The following ZNF18 variants were observed in gnomAD, a reference collection of about 807,000 sequenced individuals.
The protein encoded by ZNF18 is zinc finger protein 18.
Under a neutral mutation model 58.1 loss-of-function variants are expected in ZNF18, and 42 were observed. The ratio of observed to expected loss-of-function variants is 0.72; its 90% CI spans 0.56 to 0.93. The LOEUF (loss-of-function observed/expected upper bound fraction) is 0.93. Among genes scored for constraint, ZNF18 ranks in the 40% least tolerant of loss-of-function variants. The pLI is 0.00. For missense variants in ZNF18, 540 were observed against 644.2 expected (o/e 0.84, Z 1.75); for synonymous variants, 231 against 239.8 (o/e 0.96, Z 0.34).
intron 1 of ZNF18, among the ~76,000 whole-genome samples, chr17:11,996,611 A>G (rs1054180597): frequency 1.3e-5 from 2 of 151,134 alleles, no homozygotes; most frequent in Non-Finnish European, 3.0e-5. Flanking sequence ...ATTAGTTATG[A>G]AAAAAAAATA....
chr17:11,994,551 TAAGG>T (rs958276990), intron 1 of ZNF18, among the ~76,000 whole-genome samples: 2 of 152,274 alleles, frequency 1.3e-5, no homozygotes, highest in East Asian at 1.9e-4. Context: ...AAGAAAATTA[TAAGG>T]AAGAGGCCAG....
chr17:11,984,791 G>A (rs990525378), intron 4 of ZNF18, among the ~76,000 whole-genome samples: 5 of 152,130 alleles, frequency 3.3e-5, no homozygotes, highest in African/African-American at 4.8e-5. Flanking sequence ...ACAGGTGTGA[G>A]CCACCTTGCC....
At chr17:12,001,964 C>T (rs1249415223), upstream of ZNF18, among the ~76,000 whole-genome samples, 6 of 150,388 alleles carry the variant, frequency 4.0e-5, no homozygotes, top group South Asian at 1.0e-3. Context: ...CTGAGTTGTT[C>T]GAAGAGGTTT....
chr17:11,996,544 T>C (rs902829935), intron 1 of ZNF18, among the ~76,000 whole-genome samples: 2 of 152,166 alleles, frequency 1.3e-5, no homozygotes, highest in African/African-American at 4.8e-5. Flanking sequence ...TTACTTTATA[T>C]AGTATTAAAA....
At chr17:11,991,248 A>G in intron 2 of ZNF18, 85 bp from the exon 3 acceptor site, 1 of 1,160,732 alleles carries the variant, frequency 8.6e-7, no homozygotes, top group Non-Finnish European at 1.2e-6. Flanking sequence ...TCTACAACAG[A>G]TCATAAGACA....
At chr17:12,016,035 T>A in the ZNF18 span, among the ~76,000 whole-genome samples, 1 of 152,322 alleles carries the variant, frequency 6.6e-6, no homozygotes, top group Admixed American at 6.5e-5. Flanking sequence ...AAGTAATCTG[T>A]CTGCCTTGGC....
chr17:12,010,434 C>G, the ZNF18 span, among the ~76,000 whole-genome samples: 43 of 146,928 alleles, frequency 2.9e-4, no homozygotes, highest in African/African-American at 1.0e-3. Context: ...TTTTTTTTTT[C>G]CAGATGGAGT....
chr17:12,011,831 G>T, the ZNF18 span, among the ~76,000 whole-genome samples: 16 of 150,236 alleles, frequency 1.1e-4, no homozygotes, highest in African/African-American at 3.2e-4. Context: ...CTCCTGAGTA[G>T]CTGGGATTAC....
chr17:11,982,397 G>T (rs1009861949), intron 6 of ZNF18, among the ~76,000 whole-genome samples: 3 of 151,920 alleles, frequency 2.0e-5, no homozygotes, highest in African/African-American at 4.8e-5. Context: ...TCTATCAAAT[G>T]ATTTCACGAC....
In ZNF18 at chr17:11,992,429, T is replaced by C; in HGVS notation, c.387+14A>G. On this transcript the variant is annotated intron_variant, in intron 2 of 6. Transcript: ENST00000580306. Reference sequence around the variant, plus strand: ...CCTGTGTTTCACTCGCAGATCATAATACCCTCTGCTTACCCATTGCCACAG... The same window carrying C: ...CCTGTGTTTCACTCGCAGATCATAACACCCTCTGCTTACCCATTGCCACAG... The C allele has an allele frequency of 6.2e-7, 1 of 1,610,458 alleles. No homozygotes were observed. Among genetic ancestry groups the C allele is most frequent in the Non-Finnish European group, 8.5e-7 (1 of 1,177,732 alleles).
chr17:12,007,789 T>G, the ZNF18 span, among the ~76,000 whole-genome samples: 2 of 152,190 alleles, frequency 1.3e-5, no homozygotes, highest in Admixed American at 6.5e-5. Flanking sequence ...TGGTGGCTCC[T>G]GAAGGTCTCA....
chr17:12,002,527 G>C, the ZNF18 span: 1 of 152,152 alleles, frequency 6.6e-6, no homozygotes, highest in Non-Finnish European at 1.5e-5. Context: ...AGAAAATCGA[G>C]ATCCAGAGTG....
At chr17:12,019,916 C>G in the ZNF18 span, among the ~76,000 whole-genome samples, 1 of 152,182 alleles carries the variant, frequency 6.6e-6, no homozygotes, top group Non-Finnish European at 1.5e-5. Context: ...GGCAAGGCTG[C>G]CTGGCCAGAA....
At position 11,991,163 on chromosome 17, in the gene ZNF18, T is replaced by C; in HGVS notation, c.388A>G (p.Ile130Val). 6.2e-7 allele frequency: 1 copy of C among 1,612,316 alleles called. No homozygotes were observed. The highest frequency in any genetic ancestry group is 8.5e-7 in the Non-Finnish European group (1 of 1,178,956). ...TCCTGTCCTAGAACCTGGATACTGA[T>C]CTAGAGACCATATATTAATTAGTAA... Reference protein sequence around the residue: ...KGDPQRLWQWISIQVLGQDIL... With the variant: ...KGDPQRLWQWVSIQVLGQDIL... Residue 130 changes from isoleucine (I) to valine (V), a missense_variant and splice_region_variant, in exon 3 of 7, where the codon ATC becomes GTC. Physicochemically the swap from Ile to Val is conservative, Grantham distance 29. Transcript: ENST00000580306.
At chr17:12,013,744 A>G in the ZNF18 span, among the ~76,000 whole-genome samples, 1 of 152,216 alleles carries the variant, frequency 6.6e-6, no homozygotes, top group Non-Finnish European at 1.5e-5. Flanking sequence ...TCTTTTCAAC[A>G]TTCTAAAAAC....
chr17:11,978,362 C>A lies in ZNF18; in HGVS notation c.1245G>T (p.Lys415Asn), dbSNP rs1344084565. 2 of 1,568,404 alleles carry A rather than the reference C, an allele frequency of 1.3e-6. No individual in the cohort carries two copies. The highest frequency in any genetic ancestry group is 1.7e-6 in the Non-Finnish European group (2 of 1,160,464). ...TAAGCTGAGAATTCCTATAAAAGGT[C>A]TTCCCACACTCCCTGCAGGTGGGGA... ...QKLPTCRECG[K>N]TFYRNSQLIF... The change falls in exon 7 of 7, where the codon AAG becomes AAT. Residue 415 changes from lysine (K) to asparagine (N), a missense_variant. Transcript: ENST00000580306.
chr17:11,989,365 A>G (rs1050362803), intron 4 of ZNF18, among the ~76,000 whole-genome samples: 6 of 152,186 alleles, frequency 3.9e-5, no homozygotes, highest in African/African-American at 9.6e-5. Flanking sequence ...GCATACAAAG[A>G]AGTGGGAAAA....
At chr17:12,021,102 C>A in the ZNF18 span, 3 of 649,080 alleles carry the variant, frequency 4.6e-6, no homozygotes, top group South Asian at 2.3e-4. Context: ...CTGAGGAAGC[C>A]ACGGCAGCCG....
At chr17:12,001,608 G>A (rs1968657262), upstream of ZNF18, among the ~76,000 whole-genome samples, 1 of 151,990 alleles carries the variant, frequency 6.6e-6, no homozygotes. Flanking sequence ...CAGCCTGGGG[G>A]ACACAGAGAG....
Sources: gnomAD v4.1 joint callset for allele counts (sites outside exome capture counted in the v4.1 genomes callset) on GRCh38, gnomAD v4.1.1 for gene constraint, MANE v1.5 for transcripts, NCBI Gene and HGNC (gene_info 2026-07-23, HGNC 2026-07-21) for gene names.